Variants in MCC observed in about 807,000 individuals in gnomAD.
The protein encoded by MCC is colorectal mutant cancer protein.
In MCC, 90 loss-of-function variants were observed where a neutral mutation model predicts 116.2. The observed-to-expected ratio is 0.77, with a 90% CI of 0.65 to 0.92. The LOEUF (loss-of-function observed/expected upper bound fraction) is 0.92. Among genes scored for constraint, MCC ranks in the 40% least tolerant of loss-of-function variants. The probability of loss-of-function intolerance (pLI) is 0.00; values close to 1 mark genes in which losing one functional copy is unlikely to be tolerated. For synonymous variants in MCC, 578 were observed against 510.5 expected (o/e 1.13, Z -1.78); for missense variants, 1,516 against 1,312.2 (o/e 1.16, Z -2.40).
intron 17 of MCC, among the ~76,000 whole-genome samples, chr5:113,029,650 C>T (rs770826978): frequency 9.9e-5 from 15 of 152,202 alleles, no homozygotes; most frequent in Non-Finnish European, 1.0e-4. Flanking sequence ...GCTTCAAGTT[C>T]TGTGGATCCT....
intron 3 of MCC, among the ~76,000 whole-genome samples, chr5:113,338,449 C>T (rs550247509): frequency 5.9e-5 from 9 of 152,170 alleles, no homozygotes; most frequent in African/African-American, 1.9e-4. Context: ...GAAATCAGTC[C>T]AGGAGGTTAC....
chr5:113,452,932 G>T (rs1771442552), intron 1 of MCC, among the ~76,000 whole-genome samples: 1 of 152,134 alleles, frequency 6.6e-6, no homozygotes, highest in Non-Finnish European at 1.5e-5. Flanking sequence ...TGTTAATTTG[G>T]CTTAATAATC....
chr5:113,313,012 T>C (rs1767171914), intron 3 of MCC, among the ~76,000 whole-genome samples: 1 of 152,040 alleles, frequency 6.6e-6, no homozygotes, highest in South Asian at 2.1e-4. Flanking sequence ...AAAACAGACT[T>C]CCTTGTTAAC....
chr5:113,362,499 C>T (rs1023298579), intron 2 of MCC, among the ~76,000 whole-genome samples: 1 of 152,186 alleles, frequency 6.6e-6, no homozygotes, highest in Non-Finnish European at 1.5e-5. Context: ...TCAACTCTTG[C>T]AGATCCTTAC....
At chr5:113,065,019 C>G (rs4235788) in intron 13 of MCC, among the ~76,000 whole-genome samples, 82,116 of 151,936 alleles carry the variant, frequency 0.54, 23,758 homozygotes, top group East Asian at 0.66. Flanking sequence ...ACAGCAACAG[C>G]AATGGTTGCC....
At chr5:113,483,593 AAGT>A (rs1772435875) in intron 1 of MCC, among the ~76,000 whole-genome samples, 1 of 152,200 alleles carries the variant, frequency 6.6e-6, no homozygotes, top group African/African-American at 2.4e-5. Context: ...AACCCAAAAG[AAGT>A]TATTTTTAAA....
chr5:113,240,662 C>A (rs11739273), intron 3 of MCC, among the ~76,000 whole-genome samples: 1 of 152,182 alleles, frequency 6.6e-6, no homozygotes, highest in Non-Finnish European at 1.5e-5. Flanking sequence ...CTTCAAGAGT[C>A]TAATGCCAAC....
chr5:113,312,229 A>T (rs1350343982), intron 3 of MCC, among the ~76,000 whole-genome samples: 2 of 152,148 alleles, frequency 1.3e-5, no homozygotes, highest in African/African-American at 4.8e-5. Context: ...GTGAGCTGAG[A>T]TCACACCACT....
chr5:113,389,066 CTTCT>C (rs1269423827), intron 1 of MCC, among the ~76,000 whole-genome samples: 1 of 152,116 alleles, frequency 6.6e-6, no homozygotes, highest in Non-Finnish European at 1.5e-5. Flanking sequence ...ATGTGTTATC[CTTCT>C]ATGTTACACA....
intron 11 of MCC, among the ~76,000 whole-genome samples, chr5:113,078,326 AC>A (rs1456587107): frequency 6.6e-6 from 1 of 152,224 alleles, no homozygotes; most frequent in Non-Finnish European, 1.5e-5. Context: ...TCATCCTGAT[AC>A]CAAAAACTGG....
rs956894250 is a variant in MCC at position 113,086,177 on chromosome 5, C to T, written c.1399-867G>A. Among the ~76,000 whole-genome samples the T allele has an allele frequency of 7.2e-5, 11 of 152,162 alleles. No homozygotes were observed. In the South Asian group the frequency reaches 8.3e-4, roughly 11 times the overall value. On this transcript the variant is annotated intron_variant, in intron 8 of 18. Coordinates refer to ENST00000408903, the MANE Select transcript of MCC (RefSeq NM_001085377.2). ...TTATAAATTTCTATGTCAAGTGTTA[C>T]GGGAAGCAGAAAAAGGGAAGAATAT... is the stretch of plus-strand genomic sequence containing the variant.
At chr5:113,065,676 C>T (rs1220944824) in intron 13 of MCC, among the ~76,000 whole-genome samples, 10 of 152,138 alleles carry the variant, frequency 6.6e-5, no homozygotes, top group African/African-American at 2.2e-4. Flanking sequence ...AAAGAATGAA[C>T]AGAATGAATG....
At position 113,085,291 on chromosome 5, in the gene MCC, C is replaced by T. The variant is rs542385466; in HGVS notation, c.1418G>A (p.Arg473Gln). ...ACCTGTGGCCTGCACGCTCTGTAGT[C>T]GAGTTTGAAGCTCTCTGACCTGAAA... ...LRRRVRELQT[R>Q]LQSVQATGPS... Residue 473 changes from arginine to glutamine, a missense_variant, in exon 9 of 19, where the codon CGA becomes CAA. By Grantham distance (43) the Arg-to-Gln change is conservative. Transcript: ENST00000408903. 15 of 1,613,132 alleles carry T rather than the reference C, an allele frequency of 9.3e-6. No homozygotes were observed. The highest frequency in any genetic ancestry group is 2.2e-5 in the East Asian group (1 of 44,838).
chr5:113,243,661 C>A (rs1341310665), intron 3 of MCC, among the ~76,000 whole-genome samples: 2 of 152,170 alleles, frequency 1.3e-5, no homozygotes, highest in Non-Finnish European at 2.9e-5. Flanking sequence ...GCTGGCCATG[C>A]CTAGTGTGTT....
chr5:113,364,100 G>A (rs1299884102), intron 2 of MCC, among the ~76,000 whole-genome samples: 1 of 151,822 alleles, frequency 6.6e-6, no homozygotes, highest in East Asian at 1.9e-4. Context: ...GCATGGTGGT[G>A]GGTGCCTGTA....
intron 3 of MCC, among the ~76,000 whole-genome samples, chr5:113,153,951 T>G (rs1422987577): frequency 3.3e-5 from 5 of 152,264 alleles, no homozygotes; most frequent in Non-Finnish European, 7.3e-5. Context: ...CTTTTCTGGC[T>G]CTCTGGTATT....
chr5:113,445,208 C>A (rs1771175209), intron 1 of MCC, among the ~76,000 whole-genome samples: 1 of 152,082 alleles, frequency 6.6e-6, no homozygotes, highest in African/African-American at 2.4e-5. Context: ...TGTTTGGGAA[C>A]ATCATATACT....
intron 5 of MCC, among the ~76,000 whole-genome samples, chr5:113,124,370 T>G (rs1757917667): frequency 6.6e-6 from 1 of 152,210 alleles, no homozygotes; most frequent in Non-Finnish European, 1.5e-5. Flanking sequence ...AAAATTCTGA[T>G]TTTAGTTAAG....
chr5:113,065,302 A>G (rs932611071), intron 13 of MCC, among the ~76,000 whole-genome samples: 2 of 152,162 alleles, frequency 1.3e-5, no homozygotes, highest in Non-Finnish European at 2.9e-5. Context: ...TTGGAGGCAT[A>G]TGGGAAATCT....
Sources: gnomAD v4.1 joint callset for allele counts (sites outside exome capture counted in the v4.1 genomes callset) on GRCh38, gnomAD v4.1.1 for gene constraint, MANE v1.5 for transcripts, NCBI Gene and HGNC (gene_info 2026-07-23, HGNC 2026-07-21) for gene names.